The following BRAF variants were observed in gnomAD, a reference collection of about 807,000 sequenced individuals.
BRAF encodes B-Raf proto-oncogene, serine/threonine kinase.
A neutral mutation model predicts 104.6 loss-of-function variants in BRAF; 16 were observed. That is an observed-to-expected ratio of 0.15 (90% CI 0.10 to 0.23). BRAF has a LOEUF of 0.23. Ranked by LOEUF, BRAF falls within the 10% of genes least tolerant of loss-of-function variation. BRAF has a pLI of 1.00. For synonymous variants in BRAF, 310 were observed against 341.6 expected (o/e 0.91, Z 1.02); for missense variants, 541 against 937.3 (o/e 0.58, Z 5.52).
intron 12 of BRAF, among the ~76,000 whole-genome samples, chr7:140,779,222 A>G (rs1321746062): frequency 6.6e-6 from 1 of 152,044 alleles, no homozygotes; most frequent in Non-Finnish European, 1.5e-5. Context: ...CTAGAGTGCT[A>G]GTAATGTTCT....
intron 19 of BRAF, among the ~76,000 whole-genome samples, chr7:140,730,267 A>T (rs1795863555): frequency 6.6e-6 from 1 of 151,908 alleles, no homozygotes; most frequent in Non-Finnish European, 1.5e-5. Flanking sequence ...TCTATGTCTT[A>T]AAAAAAATCT....
At chr7:140,907,097 TTTTC>T (rs1229687652) in intron 1 of BRAF, among the ~76,000 whole-genome samples, 12 of 152,228 alleles carry the variant, frequency 7.9e-5, no homozygotes, top group African/African-American at 2.9e-4. Flanking sequence ...CTCTTCAATA[TTTTC>T]TTTTTTATTC....
At chr7:140,918,896 T>C (rs991742329) in intron 1 of BRAF, among the ~76,000 whole-genome samples, 2 of 152,132 alleles carry the variant, frequency 1.3e-5, no homozygotes, top group African/African-American at 4.8e-5. Flanking sequence ...TCCCAGCACT[T>C]TGGGAGGCTG....
chr7:140,721,632 T>TGCTACTACCCTCTTCTGGGGC lies in BRAF; in HGVS notation c.*4841_*4861dup. 1 of 1,535,886 alleles carries TGCTACTACCCTCTTCTGGGGC rather than the reference T, an allele frequency of 6.5e-7. No homozygotes were observed. Among genetic ancestry groups the TGCTACTACCCTCTTCTGGGGC allele is most frequent in the East Asian group, 2.4e-5 (1 of 40,846 alleles). ...TACAAATCATCACCTGAGGCAGAGA[T>TGCTACTACCCTCTTCTGGGGC]GCTACTACCCTCTTCTGGGGCTCAA... is the stretch of plus-strand genomic sequence containing the variant. On this transcript the variant is annotated 3_prime_UTR_variant, in exon 20 of 20. Coordinates refer to ENST00000644969, the MANE Select transcript of BRAF (RefSeq NM_001374258.1).
chr7:140,847,046 T>C (rs1278993766), intron 2 of BRAF, among the ~76,000 whole-genome samples: 2 of 152,014 alleles, frequency 1.3e-5, no homozygotes, highest in Admixed American at 1.3e-4. Context: ...TCCCAGCTAC[T>C]TGAGAGGCTG....
intron 1 of BRAF, among the ~76,000 whole-genome samples, chr7:140,901,155 AAACT>A (rs1195191031): frequency 6.6e-6 from 1 of 152,256 alleles, no homozygotes; most frequent in African/African-American, 2.4e-5. Context: ...AAATTAATAG[AAACT>A]AATTAAAGTT....
chr7:140,840,122 C>T (rs925552731), intron 2 of BRAF, among the ~76,000 whole-genome samples: 1 of 152,224 alleles, frequency 6.6e-6, no homozygotes, highest in African/African-American at 2.4e-5. Flanking sequence ...TTCCTTTAAG[C>T]TAACTTTGGA....
chr7:140,874,101 G>C (rs558479498), intron 1 of BRAF, among the ~76,000 whole-genome samples: 8 of 152,086 alleles, frequency 5.3e-5, no homozygotes, highest in African/African-American at 1.9e-4. Flanking sequence ...AACACATAGA[G>C]CAGCTAATCG....
intron 4 of BRAF, 122 bp downstream of exon 4, chr7:140,808,770 A>T: frequency 2.6e-6 from 2 of 780,480 alleles, no homozygotes; most frequent in South Asian, 1.5e-5. Flanking sequence ...GTATTATTTT[A>T]ATACTTTTTC....
At chr7:140,734,797 G>GGAAAAAAAAAAAAAAAAA in intron 18 of BRAF, 27 bp from the exon 18 acceptor site, 1 of 1,126,488 alleles carries the variant, frequency 8.9e-7, no homozygotes, top group Non-Finnish European at 1.2e-6. Flanking sequence ...AAAAAAAAAA[G>GGAAAAAAAAAAAAAAAAA]AAAAAAAAAG....
chr7:140,881,499 C>A (rs1812917300), intron 1 of BRAF, among the ~76,000 whole-genome samples: 1 of 152,220 alleles, frequency 6.6e-6, no homozygotes, highest in Non-Finnish European at 1.5e-5. Context: ...AAGTGATCCT[C>A]CCACCTTGGC....
intron 3 of BRAF, among the ~76,000 whole-genome samples, chr7:140,810,089 C>CTTA (rs952194933): frequency 2.0e-5 from 3 of 151,958 alleles, no homozygotes; most frequent in Admixed American, 6.6e-5. Context: ...AATTGAGGTG[C>CTTA]TTAGCAAACC....
chr7:140,904,636 G>A (rs1586607303), intron 1 of BRAF, among the ~76,000 whole-genome samples: 1 of 151,786 alleles, frequency 6.6e-6, no homozygotes, highest in Non-Finnish European at 1.5e-5. Context: ...TTTTTTAGAG[G>A]GAGTCTCGCT....
chr7:140,837,749 C>T (rs1807497053), intron 2 of BRAF, among the ~76,000 whole-genome samples: 1 of 152,174 alleles, frequency 6.6e-6, no homozygotes, highest in Admixed American at 6.5e-5. Context: ...TTCCAATCTT[C>T]CTAATTCTTC....
chr7:140,886,254 CCTA>C (rs891698875), intron 1 of BRAF, among the ~76,000 whole-genome samples: 1 of 152,158 alleles, frequency 6.6e-6, no homozygotes, highest in African/African-American at 2.4e-5. Flanking sequence ...TTCTCTCTGA[CCTA>C]CTACTTACAA....
intron 19 of BRAF, chr7:140,734,071 A>G: frequency 9.6e-7 from 1 of 1,036,980 alleles, no homozygotes; most frequent in Non-Finnish European, 1.2e-6. Flanking sequence ...ACATTTTCCA[A>G]ATTGTTATAA....
At chr7:140,908,714 G>T (rs2129137347) in intron 1 of BRAF, among the ~76,000 whole-genome samples, 1 of 152,232 alleles carries the variant, frequency 6.6e-6, no homozygotes, top group African/African-American at 2.4e-5. Context: ...CAGTTCAGTT[G>T]TTTCACCCTT....
At chr7:140,804,787 A>G (rs1487478572) in intron 5 of BRAF, among the ~76,000 whole-genome samples, 1 of 151,892 alleles carries the variant, frequency 6.6e-6, no homozygotes, top group East Asian at 1.9e-4. Flanking sequence ...AGATTTCAAC[A>G]TCAAAAGTCT....
Position 140,723,508 on chromosome 7 carries a change from C to T in BRAF, c.*2986G>A. The T allele has an allele frequency of 9.5e-7, 1 of 1,052,606 alleles. No individual in the cohort carries two copies. The highest frequency in any genetic ancestry group is 1.1e-6 in the Non-Finnish European group (1 of 871,542). 65.2% of individuals were successfully genotyped at this position (1,052,606 alleles called of 1,614,324 possible). On this transcript the variant is annotated 3_prime_UTR_variant, in exon 20 of 20. Coordinates refer to ENST00000644969, the MANE Select transcript of BRAF (RefSeq NM_001374258.1). Reference sequence around the variant, plus strand: ...CTAGACAGAATCTTCTTTTAAGGTGCACATTAACAACAAATGATCACACTG... The same window carrying T: ...CTAGACAGAATCTTCTTTTAAGGTGTACATTAACAACAAATGATCACACTG...
Sources: allele counts gnomAD v4.1 joint callset (sites outside exome capture counted in the v4.1 genomes callset), GRCh38; gene constraint gnomAD v4.1.1; transcripts MANE v1.5; gene names NCBI Gene and HGNC (gene_info 2026-07-23, HGNC 2026-07-21).